The following FAM168A variants were observed in gnomAD, a reference collection of about 807,000 sequenced individuals.
The protein encoded by FAM168A is protein FAM168A.
In FAM168A, 3 loss-of-function variants were observed where a neutral mutation model predicts 28.5. The observed-to-expected ratio is 0.11, with a 90% CI of 0.05 to 0.27. The LOEUF is 0.27. Ranked by LOEUF, FAM168A falls within the 10% of genes least tolerant of loss-of-function variation. The pLI is 1.00. For synonymous variants in FAM168A, 122 were observed against 124.2 expected, an observed-to-expected ratio of 0.98 and a Z score of 0.12; for missense variants, 222 against 311.5, an observed-to-expected ratio of 0.71 and a Z score of 2.16.
At chr11:73,484,682 CTATAGATATATAGATATAGATATA>C (rs1234342805) in intron 1 of FAM168A, among the ~76,000 whole-genome samples, 2 of 128,840 alleles carry the variant, frequency 1.6e-5, no homozygotes. Flanking sequence ...ATATGTATCG[CTATAGATATATAGATATAGATATA>C]TATAGATATA....
At chr11:73,575,882 TA>T (rs1379175919) in intron 1 of FAM168A, among the ~76,000 whole-genome samples, 1 of 151,438 alleles carries the variant, frequency 6.6e-6, no homozygotes, top group East Asian at 1.9e-4. Context: ...AAAAAAAAAT[TA>T]GACATAATGT....
At chr11:73,438,921 C>T (rs1312847447) in intron 2 of FAM168A, among the ~76,000 whole-genome samples, 1 of 152,194 alleles carries the variant, frequency 6.6e-6, no homozygotes, top group African/African-American at 2.4e-5. Flanking sequence ...AACACTCTAA[C>T]TGCAGGGTTT....
chr11:73,582,502 A>G (rs1299987159), intron 1 of FAM168A, among the ~76,000 whole-genome samples: 1 of 149,724 alleles, frequency 6.7e-6, no homozygotes, highest in East Asian at 2.0e-4. Flanking sequence ...CAGCCTGGGG[A>G]AAAAAAAAAT....
chr11:73,492,543 G>A (rs550062081), intron 1 of FAM168A, among the ~76,000 whole-genome samples: 6 of 152,282 alleles, frequency 3.9e-5, no homozygotes, highest in Middle Eastern at 3.4e-3. Flanking sequence ...ACGGGGGGCT[G>A]AGGCAGGAGG....
At chr11:73,466,609 T>C (rs1350481880) in intron 2 of FAM168A, among the ~76,000 whole-genome samples, 1 of 152,190 alleles carries the variant, frequency 6.6e-6, no homozygotes, top group Non-Finnish European at 1.5e-5. Context: ...TTATAAATTA[T>C]CTTTACTTAG....
intron 2 of FAM168A, among the ~76,000 whole-genome samples, chr11:73,439,232 G>A (rs577600025): frequency 6.6e-6 from 1 of 152,300 alleles, no homozygotes; most frequent in East Asian, 1.9e-4. Context: ...GCAGGGAATT[G>A]TAAAGGGTGT....
chr11:73,531,260 G>T (rs1943510645), intron 1 of FAM168A, among the ~76,000 whole-genome samples: 1 of 152,176 alleles, frequency 6.6e-6, no homozygotes, highest in Non-Finnish European at 1.5e-5. Context: ...AGAAATGCAA[G>T]TAACCAAACA....
At chr11:73,558,312 A>C (rs1805478064) in intron 1 of FAM168A, among the ~76,000 whole-genome samples, 1 of 152,018 alleles carries the variant, frequency 6.6e-6, no homozygotes, top group South Asian at 2.1e-4. Flanking sequence ...AAATGTAAAA[A>C]AGAAAAATTA....
chr11:73,590,221 G>A (rs1466146461), intron 1 of FAM168A, among the ~76,000 whole-genome samples: 1 of 152,118 alleles, frequency 6.6e-6, no homozygotes, highest in Non-Finnish European at 1.5e-5. Flanking sequence ...GGGCAACTGA[G>A]CAAGATCCTG....
At chr11:73,433,076 C>CTTTTTTTTTTTTTTTTTTTTTTTT (rs34994742) in intron 2 of FAM168A, among the ~76,000 whole-genome samples, 4 of 80,602 alleles carry the variant, frequency 5.0e-5, no homozygotes, top group African/African-American at 2.7e-4. Flanking sequence ...CACGCCCCGC[C>CTTTTTTTTTTTTTTTTTTTTTTTT]TTTTTTTTTT....
At chr11:73,567,970 G>C (rs763927406) in intron 1 of FAM168A, among the ~76,000 whole-genome samples, 1 of 152,190 alleles carries the variant, frequency 6.6e-6, no homozygotes, top group African/African-American at 2.4e-5. Context: ...TTGAGCCACT[G>C]AATGTTTGGG....
chr11:73,442,955 G>GATATATATATATATATATATAT (rs58430278), intron 2 of FAM168A, among the ~76,000 whole-genome samples: 2 of 40,234 alleles, frequency 5.0e-5, no homozygotes, highest in South Asian at 1.5e-3. Context: ...ATATACAAAG[G>GATATATATATATATATATATAT]ATATATATAT....
At chr11:73,424,968 C>A (rs991755149) in intron 3 of FAM168A, 4 of 1,415,100 alleles carry the variant, frequency 2.8e-6, no homozygotes, top group Non-Finnish European at 3.8e-6. Context: ...ACCATTGTTA[C>A]GAGAGAACAC....
chr11:73,539,982 T>C (rs1018784623), intron 1 of FAM168A, among the ~76,000 whole-genome samples: 5 of 152,216 alleles, frequency 3.3e-5, no homozygotes, highest in African/African-American at 4.8e-5. Flanking sequence ...GAATTGCACA[T>C]GCAGTTTCTT....
At chr11:73,511,398 G>C (rs1050982203) in intron 1 of FAM168A, among the ~76,000 whole-genome samples, 1 of 151,906 alleles carries the variant, frequency 6.6e-6, no homozygotes, top group Admixed American at 6.6e-5. Flanking sequence ...CACTACGCCC[G>C]GCTAATTTTT....
rs1866393946 is a variant in FAM168A, at chr11:73,400,947, A to C, written c.*5816T>G. The C allele has an allele frequency of 1.3e-5, 2 of 152,142 alleles. No homozygotes were observed. Among genetic ancestry groups the C allele is most frequent in the Admixed American group, 6.5e-5 (1 of 15,284 alleles). The allele number at this position is 152,142 out of a possible 1,614,324, so 9.4% of individuals were successfully genotyped here. On this transcript the variant is annotated 3_prime_UTR_variant, in exon 8 of 8. Coordinates refer to ENST00000356467, the MANE Select transcript of FAM168A (RefSeq NM_015159.3). ...AAAACCCAAAAGAATCCAAAACAAC[A>C]AAACAAAACCAGATTTACACTTCAT...
chr11:73,481,541 G>T (rs1867967418), intron 1 of FAM168A, among the ~76,000 whole-genome samples: 1 of 152,166 alleles, frequency 6.6e-6, no homozygotes, highest in African/African-American at 2.4e-5. Flanking sequence ...GGGATTTCTA[G>T]AGAGACAATA....
At chr11:73,486,595 G>C (rs1402750313) in intron 1 of FAM168A, among the ~76,000 whole-genome samples, 1 of 152,118 alleles carries the variant, frequency 6.6e-6, no homozygotes, top group Non-Finnish European at 1.5e-5. Context: ...CTGTAAGTCT[G>C]ACCATCATTT....
At chr11:73,492,161 T>C (rs1868136648) in intron 1 of FAM168A, among the ~76,000 whole-genome samples, 1 of 152,164 alleles carries the variant, frequency 6.6e-6, no homozygotes, top group African/African-American at 2.4e-5. Flanking sequence ...AAGCCCAATG[T>C]TCCTCCCATC....
Sources: allele counts gnomAD v4.1 joint callset (sites outside exome capture counted in the v4.1 genomes callset), GRCh38; gene constraint gnomAD v4.1.1; transcripts MANE v1.5; gene names NCBI Gene and HGNC (gene_info 2026-07-23, HGNC 2026-07-21).